MBD5: variants seen among roughly 807,000 people sequenced by gnomAD.
The protein encoded by MBD5 is methyl-CpG-binding domain protein 5.
A neutral mutation model predicts 117.3 loss-of-function variants in MBD5; 13 were observed. The ratio of observed to expected loss-of-function variants is 0.11; its 90% CI spans 0.07 to 0.18. The LOEUF is 0.18. Ranked by LOEUF, MBD5 falls within the 10% of genes least tolerant of loss-of-function variation. The pLI, the probability that MBD5 is intolerant of heterozygous loss-of-function variation, is 1.00. For missense variants in MBD5, 1,879 were observed against 2,093.8 expected, an observed-to-expected ratio of 0.90 and a Z score of 2.00; for synonymous variants, 727 against 766.4, an observed-to-expected ratio of 0.95 and a Z score of 0.85.
At chr2:148,323,361 A>G (rs1247892287) in intron 3 of MBD5, among the ~76,000 whole-genome samples, 1 of 151,918 alleles carries the variant, frequency 6.6e-6, no homozygotes, top group Non-Finnish European at 1.5e-5. Flanking sequence ...GTATATACCC[A>G]GTAATGGGAT....
chr2:148,183,230 T>C (rs1203086300), intron 2 of MBD5, among the ~76,000 whole-genome samples: 2 of 152,070 alleles, frequency 1.3e-5, no homozygotes, highest in South Asian at 2.1e-4. Context: ...CAATTTGATA[T>C]ATAGTATGTA....
intron 4 of MBD5, among the ~76,000 whole-genome samples, chr2:148,422,790 A>G (rs188426475): frequency 1.4e-4 from 21 of 152,332 alleles, no homozygotes; most frequent in Admixed American, 1.2e-3. Flanking sequence ...TGAAGCATAC[A>G]CAAGTATCAA....
intron 2 of MBD5, among the ~76,000 whole-genome samples, chr2:148,225,742 A>C (rs1196391701): frequency 2.0e-5 from 3 of 152,146 alleles, no homozygotes; most frequent in Non-Finnish European, 4.4e-5. Flanking sequence ...TCTAGAGTAA[A>C]AGTTTTTTCC....
At chr2:148,022,603 G>C (rs1475978038) in intron 1 of MBD5, among the ~76,000 whole-genome samples, 2 of 152,236 alleles carry the variant, frequency 1.3e-5, no homozygotes, top group South Asian at 4.2e-4. Context: ...TCAATAGTTT[G>C]CTGGATTGGT....
intron 4 of MBD5, among the ~76,000 whole-genome samples, chr2:148,392,719 C>T (rs1440093364): frequency 5.3e-5 from 8 of 152,180 alleles, no homozygotes; most frequent in Non-Finnish European, 1.2e-4. Flanking sequence ...TTCCCTACTC[C>T]AGTTTATCTA....
chr2:148,083,099 GT>G (rs1378317389), intron 1 of MBD5, among the ~76,000 whole-genome samples: 7 of 152,270 alleles, frequency 4.6e-5, no homozygotes, highest in African/African-American at 1.4e-4. Flanking sequence ...ATGTTTGCCA[GT>G]TTTCATCACT....
At chr2:148,315,053 A>G (rs1450418632) in intron 3 of MBD5, among the ~76,000 whole-genome samples, 1 of 152,192 alleles carries the variant, frequency 6.6e-6, no homozygotes, top group Non-Finnish European at 1.5e-5. Flanking sequence ...GACTAAGAAC[A>G]GAGCCCAAGA....
intron 1 of MBD5, among the ~76,000 whole-genome samples, chr2:148,142,886 C>A (rs1018888495): frequency 6.6e-6 from 1 of 152,008 alleles, no homozygotes; most frequent in African/African-American, 2.4e-5. Flanking sequence ...AAAAATAATG[C>A]AATTAGTAAA....
intron 2 of MBD5, among the ~76,000 whole-genome samples, chr2:148,233,021 G>T (rs1700026054): frequency 6.6e-6 from 1 of 152,006 alleles, no homozygotes; most frequent in African/African-American, 2.4e-5. Context: ...TTTGATTTTG[G>T]TTTTCTGTAC....
At chr2:148,441,453 G>A (rs1706320837) in intron 4 of MBD5, among the ~76,000 whole-genome samples, 2 of 151,978 alleles carry the variant, frequency 1.3e-5, no homozygotes, top group Non-Finnish European at 2.9e-5. Context: ...TTTTATGGCT[G>A]CATAGTATTC....
At chr2:148,196,077 G>A (rs767590849) in intron 2 of MBD5, 1 of 152,118 alleles carries the variant, frequency 6.6e-6, no homozygotes, top group Non-Finnish European at 1.5e-5. Context: ...TGTTATCTTT[G>A]CACAGGTATC....
chr2:148,211,739 A>G (rs1214316862), intron 2 of MBD5, among the ~76,000 whole-genome samples: 2 of 152,066 alleles, frequency 1.3e-5, no homozygotes, highest in Non-Finnish European at 2.9e-5. Context: ...TGTTCACGAG[A>G]TAAAAAAATA....
intron 4 of MBD5, among the ~76,000 whole-genome samples, chr2:148,446,114 T>G (rs1314692707): frequency 6.6e-6 from 1 of 151,196 alleles, no homozygotes; most frequent in Non-Finnish European, 1.5e-5. Flanking sequence ...TTTCTTTTGC[T>G]GTGCACAAGC....
At chr2:148,173,131 C>G (rs1698302503) in intron 1 of MBD5, among the ~76,000 whole-genome samples, 1 of 152,232 alleles carries the variant, frequency 6.6e-6, no homozygotes, top group East Asian at 1.9e-4. Flanking sequence ...ACACGCCCCC[C>G]ACTCACCACA....
intron 4 of MBD5, among the ~76,000 whole-genome samples, chr2:148,399,098 CT>C (rs1704831725): frequency 6.6e-6 from 1 of 152,140 alleles, no homozygotes; most frequent in Non-Finnish European, 1.5e-5. Context: ...ATGCCTCCAG[CT>C]TTGTTCTTTT....
At chr2:148,274,622 CTG>C (rs1440441080) in intron 3 of MBD5, among the ~76,000 whole-genome samples, 1 of 151,902 alleles carries the variant, frequency 6.6e-6, no homozygotes, top group African/African-American at 2.4e-5. Flanking sequence ...CCTTGCATGA[CTG>C]TGAAATACTT....
Position 148,479,459 on chromosome 2 carries a change from AT to A in MBD5, c.2519-3645del, listed in dbSNP as rs1055717754. 4.6e-5 allele frequency among the ~76,000 whole-genome samples: 7 copies of A among 152,244 alleles called. 1 individual carries two copies. The highest frequency in any genetic ancestry group is 2.6e-4 in the Admixed American group (4 of 15,284). On this transcript the variant is annotated intron_variant, in intron 8 of 13. Transcript: ENST00000642680. Reference sequence around the variant, plus strand: ...TACAATCTTTTTAATACTAACAAATATTTTTTGAATACCGATCATGTGTCAG... The same window carrying A: ...TACAATCTTTTTAATACTAACAAATATTTTTGAATACCGATCATGTGTCAG...
intron 4 of MBD5, among the ~76,000 whole-genome samples, chr2:148,379,802 C>T (rs1033116360): frequency 2.0e-5 from 3 of 151,680 alleles, no homozygotes; most frequent in Non-Finnish European, 2.9e-5. Context: ...AGGTAACCCA[C>T]TAAGAGATTA....
rs753885295 is a variant in MBD5, at chr2:148,386,116, TA to T, written c.-557+43789del. Among the ~76,000 whole-genome samples, 109 of 147,694 alleles carry T rather than the reference TA, an allele frequency of 7.4e-4. 1 individual carries two copies. Among genetic ancestry groups the T allele is most frequent in the East Asian group, 3.8e-3 (19 of 5,018 alleles). On this transcript the variant is annotated intron_variant, in intron 4 of 13. Coordinates refer to ENST00000642680, the MANE Select transcript of MBD5 (RefSeq NM_001378120.1). ...CCTAAAACTTAAAGTATAATAATAA[TA>T]AAAAAAAAGAAAAAGAAAGGCTACA...
Sources: gnomAD v4.1 joint callset for allele counts (sites outside exome capture counted in the v4.1 genomes callset) on GRCh38, gnomAD v4.1.1 for gene constraint, MANE v1.5 for transcripts, NCBI Gene and HGNC (gene_info 2026-07-23, HGNC 2026-07-21) for gene names.